Variants in ARHGAP26 observed in about 807,000 individuals in gnomAD.
ARHGAP26 encodes rho GTPase-activating protein 26.
A neutral mutation model predicts 104.8 loss-of-function variants in ARHGAP26; 38 were observed. The ratio of observed to expected loss-of-function variants is 0.36; its 90% CI spans 0.28 to 0.48. The LOEUF is 0.48. ARHGAP26 is among the 20% of genes least tolerant of loss of function. ARHGAP26 has a pLI of 0.99. For synonymous variants in ARHGAP26, 341 were observed against 340.0 expected (o/e 1.00, Z -0.03); for missense variants, 704 against 947.9 (o/e 0.74, Z 3.38).
intron 17 of ARHGAP26, among the ~76,000 whole-genome samples, chr5:143,102,727 A>G (rs370411413): frequency 2.6e-5 from 4 of 152,360 alleles, no homozygotes; most frequent in South Asian, 2.1e-4. Context: ...CGTTCTCTGC[A>G]TATACTCCAA....
chr5:143,182,095 T>C (rs1018282758), intron 20 of ARHGAP26, among the ~76,000 whole-genome samples: 1 of 152,232 alleles, frequency 6.6e-6, no homozygotes, highest in African/African-American at 2.4e-5. Context: ...TTACATGCTA[T>C]AGCCTGCCCT....
At chr5:143,092,999 C>G (rs543253130) in intron 17 of ARHGAP26, among the ~76,000 whole-genome samples, 7 of 152,216 alleles carry the variant, frequency 4.6e-5, no homozygotes, top group Admixed American at 1.3e-4. Flanking sequence ...TAGGTCTGCT[C>G]GGACCTTTGT....
intron 17 of ARHGAP26, among the ~76,000 whole-genome samples, chr5:143,119,495 A>G (rs1795882830): frequency 6.6e-6 from 1 of 152,230 alleles, no homozygotes; most frequent in Non-Finnish European, 1.5e-5. Context: ...CCCCCTTGCC[A>G]GGTCAGAATT....
intron 10 of ARHGAP26, among the ~76,000 whole-genome samples, chr5:142,920,574 T>C (rs1449631561): frequency 6.6e-6 from 1 of 152,202 alleles, no homozygotes; most frequent in African/African-American, 2.4e-5. Flanking sequence ...TGATTACTTT[T>C]TTCTGGGGTT....
chr5:142,951,107 T>C (rs1768318957), intron 11 of ARHGAP26, among the ~76,000 whole-genome samples: 2 of 150,890 alleles, frequency 1.3e-5, no homozygotes, highest in Non-Finnish European at 3.0e-5. Flanking sequence ...TAGCCCAGGC[T>C]GGAGTGCAGT....
chr5:143,203,910 G>T (rs1363785737), intron 20 of ARHGAP26, among the ~76,000 whole-genome samples: 1 of 151,902 alleles, frequency 6.6e-6, no homozygotes, highest in Non-Finnish European at 1.5e-5. Flanking sequence ...ACACACCGGG[G>T]CCTGTCAGGG....
chr5:142,961,065 C>A lies in ARHGAP26; in HGVS notation c.1107+28940C>A, dbSNP rs960176956. Among the ~76,000 whole-genome samples the A allele has an allele frequency of 2.0e-5, 3 of 152,158 alleles. No homozygotes were observed. The South Asian group carries it at 6.2e-4, about 32-fold the overall frequency. ...TCTTCTGTACAGCCTACTATGTTTT[C>A]TTGTTTATAATTTTTCTTTCCTTTA... On this transcript the variant is annotated intron_variant, in intron 11 of 22. Transcript: ENST00000645722.
At chr5:143,012,949 T>C (rs171540) in intron 11 of ARHGAP26, among the ~76,000 whole-genome samples, 143,644 of 151,964 alleles carry the variant, frequency 0.95, 68,128 homozygotes, top group Non-Finnish European at 0.99. Flanking sequence ...CCACTGTGCC[T>C]GGCCGATTTT....
At chr5:143,046,792 AT>A (rs1195067545) in intron 14 of ARHGAP26, among the ~76,000 whole-genome samples, 6 of 152,136 alleles carry the variant, frequency 3.9e-5, no homozygotes, top group Non-Finnish European at 8.8e-5. Flanking sequence ...TTTTAAATAA[AT>A]TTTTTCCTGA....
At chr5:142,942,963 G>A (rs1766592178) in intron 11 of ARHGAP26, among the ~76,000 whole-genome samples, 2 of 152,114 alleles carry the variant, frequency 1.3e-5, no homozygotes, top group Admixed American at 6.5e-5. Context: ...GTATTTTTAG[G>A]AGAGACGAGG....
chr5:142,809,558 C>T (rs1272678156), intron 1 of ARHGAP26, among the ~76,000 whole-genome samples: 1 of 152,152 alleles, frequency 6.6e-6, no homozygotes, highest in Non-Finnish European at 1.5e-5. Context: ...GCCAAAAGTC[C>T]TGCAGTTAAT....
intron 1 of ARHGAP26, chr5:142,866,771 A>T (rs1428890382): frequency 6.6e-5 from 10 of 152,196 alleles, no homozygotes; most frequent in Admixed American, 5.9e-4. Context: ...CAGGAAAAGC[A>T]CGCAGATGTA....
intron 17 of ARHGAP26, among the ~76,000 whole-genome samples, chr5:143,099,061 G>A (rs1158470393): frequency 2.0e-5 from 3 of 152,156 alleles, no homozygotes; most frequent in East Asian, 3.8e-4. Flanking sequence ...ACTGGTTAAT[G>A]TTCTGTAGGG....
rs1414778794 is a variant in ARHGAP26 at position 143,228,448 on chromosome 5, TCAAA to T, written c.*6006_*6009del. ...GCCATTTTAAAACTGTTCATATTTA[TCAAA>T]CAATTACTGTCTACAGCTACATTTT... On this transcript the variant is annotated 3_prime_UTR_variant, in exon 23 of 23. Coordinates refer to ENST00000645722, the MANE Select transcript of ARHGAP26 (RefSeq NM_001135608.3). The T allele has an allele frequency of 1.8e-5, 4 of 219,562 alleles. No homozygotes were observed. Among genetic ancestry groups the T allele is most frequent in the Non-Finnish European group, 2.7e-5 (3 of 109,440 alleles). 13.6% of individuals were successfully genotyped at this position (219,562 alleles called of 1,614,324 possible).
intron 10 of ARHGAP26, among the ~76,000 whole-genome samples, chr5:142,919,872 G>A (rs1229065617): frequency 6.6e-6 from 1 of 152,052 alleles, no homozygotes; most frequent in Non-Finnish European, 1.5e-5. Context: ...ATGGTGGTGG[G>A]CACCTGTAAT....
intron 11 of ARHGAP26, among the ~76,000 whole-genome samples, chr5:142,988,710 C>A (rs1299872854): frequency 6.6e-6 from 1 of 152,168 alleles, no homozygotes; most frequent in African/African-American, 2.4e-5. Context: ...TCATTGGTTT[C>A]AAAGAACATC....
intron 19 of ARHGAP26, among the ~76,000 whole-genome samples, chr5:143,137,117 C>T (rs246601): frequency 0.53 from 80,431 of 152,048 alleles, 21,603 homozygotes; most frequent in Middle Eastern, 0.6. Context: ...TCTAAGAACA[C>T]GACTTCAATG....
At chr5:143,031,039 A>T (rs1781764745) in intron 12 of ARHGAP26, among the ~76,000 whole-genome samples, 3 of 152,242 alleles carry the variant, frequency 2.0e-5, no homozygotes, top group Non-Finnish European at 2.9e-5. Context: ...TTCTTGAGGA[A>T]AGGACACTTG....
At chr5:143,157,585 T>G (rs1034431197) in intron 20 of ARHGAP26, among the ~76,000 whole-genome samples, 2 of 152,220 alleles carry the variant, frequency 1.3e-5, no homozygotes. Flanking sequence ...AGTACATGAT[T>G]TCTACAGCAC....
Sources: gnomAD v4.1 joint callset for allele counts (sites outside exome capture counted in the v4.1 genomes callset) on GRCh38, gnomAD v4.1.1 for gene constraint, MANE v1.5 for transcripts, NCBI Gene and HGNC (gene_info 2026-07-23, HGNC 2026-07-21) for gene names.